Variants in UBR4 observed in about 807,000 individuals in gnomAD.
The protein encoded by UBR4 is ubiquitin protein ligase E3 component n-recognin 4, also known as E3 ubiquitin-protein ligase UBR4.
A neutral mutation model predicts 575.6 loss-of-function variants in UBR4; 124 were observed. The ratio of observed to expected loss-of-function variants is 0.22; its 90% confidence interval spans 0.19 to 0.25. The LOEUF (loss-of-function observed/expected upper bound fraction) is 0.25, where lower values mean the gene tolerates loss of function less well. Among genes scored for constraint, UBR4 ranks in the 10% least tolerant of loss-of-function variants. The pLI is 1.00. For missense variants in UBR4, 4,818 were observed against 6,478.8 expected, an observed-to-expected ratio of 0.74 and a Z score of 8.80; for synonymous variants, 2,455 against 2,473.7, an observed-to-expected ratio of 0.99 and a Z score of 0.22.
In UBR4 at chr1:19,150,623, T is replaced by G; in HGVS notation, c.7384A>C (p.Ser2462Arg). The G allele has an allele frequency of 6.2e-7, 1 of 1,613,956 alleles. No individual in the cohort carries two copies. The highest frequency in any genetic ancestry group is 8.5e-7 in the Non-Finnish European group (1 of 1,180,022). ...GTCGTAGTGGGGGCAGCTGAGTCGC[T>G]ATCTCCAGTGCCGTTGCTCTGGTTC... The part of the protein sequence containing the change: ...NLNQSNGTGD[S>R]DSAAPTTTSG... The change falls in exon 49 of 106, where the codon AGC (serine) becomes CGC (arginine). Residue 2462 changes from serine (S) to arginine (R), a missense_variant. By Grantham distance (110) the Ser-to-Arg change is moderately radical (BLOSUM62 -1). Around this residue, in one of 29 missense-constraint regions of UBR4, gnomAD observed 340 missense variants for 375.4 expected, o/e 0.91. Transcript: ENST00000375254.
At chr1:19,101,494 G>C (rs778705677) in intron 88 of UBR4, 26 bp downstream of exon 88, 1 of 1,592,352 alleles carries the variant, frequency 6.3e-7, no homozygotes, top group Admixed American at 1.7e-5. Context: ...ACACTCGAGA[G>C]CCATGGGAAG....
chr1:19,191,546 T>A (rs1403565505), intron 11 of UBR4, among the ~76,000 whole-genome samples: 1 of 152,226 alleles, frequency 6.6e-6, no homozygotes, highest in Admixed American at 6.5e-5. Flanking sequence ...ACAACGTTTA[T>A]ATATGATTAT....
intron 27 of UBR4, among the ~76,000 whole-genome samples, chr1:19,169,106 A>G (rs747940655): frequency 6.6e-6 from 1 of 152,214 alleles, no homozygotes; most frequent in Non-Finnish European, 1.5e-5. Flanking sequence ...GTTAACACGT[A>G]TTGGGAATTC....
At chr1:19,090,090 A>C (rs1457164354) in intron 97 of UBR4, among the ~76,000 whole-genome samples, 2 of 152,162 alleles carry the variant, frequency 1.3e-5, no homozygotes, top group Non-Finnish European at 2.9e-5. Context: ...CAAACCTCTG[A>C]TCTTCTCCAT....
chr1:19,091,361 C>A (rs2077496820), intron 97 of UBR4, among the ~76,000 whole-genome samples: 1 of 152,160 alleles, frequency 6.6e-6, no homozygotes, highest in African/African-American at 2.4e-5. Context: ...CTTTACTGTA[C>A]TCAAGTTACC....
At position 19,152,135 on chromosome 1, in the gene UBR4, A is replaced by C. The variant is rs1221863241; in HGVS notation, c.6996+178T>G. The stretch of plus-strand genomic sequence containing the variant: ...TATTGGTGGAAACCCAACCTGTACA[A>C]GTCCTTTGCCAAGTGAGTAAGAATA... On this transcript the variant is annotated intron_variant, in intron 47 of 105. Transcript: ENST00000375254. The surrounding 1 kb of genome is among the most constrained non-coding windows in gnomAD (Gnocchi z 4.4). Among the ~76,000 whole-genome samples the C allele has an allele frequency of 3.3e-5, 5 of 152,224 alleles. No individual in the cohort carries two copies. The highest frequency in any genetic ancestry group is 6.5e-5 in the Admixed American group (1 of 15,290).
intron 100 of UBR4, 128 bp from the exon 101 acceptor site, chr1:19,086,398 G>T: frequency 1.5e-6 from 2 of 1,311,560 alleles, no homozygotes; most frequent in Non-Finnish European, 2.0e-6. Context: ...CCAGGCTCCT[G>T]ACCCTGCGAA....
chr1:19,120,406 T>TAA, intron 68 of UBR4, 58 bp from the exon 69 acceptor site: 1 of 1,571,540 alleles, frequency 6.4e-7, no homozygotes, highest in Non-Finnish European at 8.7e-7. Flanking sequence ...TCCAGGGTCC[T>TAA]AAGGCCTGGG....
In UBR4 at chr1:19,117,175, C is replaced by T. The variant is rs764840711; in HGVS notation, c.10823+46G>A. 3 of 1,594,354 alleles carry T rather than the reference C, an allele frequency of 1.9e-6. No individual in the cohort carries two copies. The highest frequency in any genetic ancestry group is 3.4e-5 in the Admixed American group (2 of 59,436). ...GGAACCGAAGGCAGCAACTGAGCTT[C>T]AGCCTTACAACCTGCTGCCCCTCCC... On this transcript the variant is annotated intron_variant, in intron 73 of 105. Transcript: ENST00000375254. This position sits in a 1 kb window ranked among gnomAD's most constrained non-coding sequence, Gnocchi z 4.0.
chr1:19,169,650 T>C (rs1463361019), intron 26 of UBR4, 118 bp from the exon 27 acceptor site: 1 of 703,232 alleles, frequency 1.4e-6, no homozygotes, highest in Admixed American at 3.2e-5. Context: ...TCAAAATAAT[T>C]AGTAAGATAG....
chr1:19,126,681 T>A, intron 63 of UBR4, 26 bp from the exon 64 acceptor site: 1 of 1,605,730 alleles, frequency 6.2e-7, no homozygotes, highest in South Asian at 1.1e-5. Flanking sequence ...AATACAGAGA[T>A]GGGAAGAATG....
rs775992413 is a variant in UBR4 at position 19,167,243 on chromosome 1, A to C, written c.3900-12T>G. ...TCTCATCTGACCAACTTCAGCAAAG[A>C]AAATGAAATCGAGTTAGTGAATACA... On this transcript the variant is annotated splice_polypyrimidine_tract_variant and intron_variant, in intron 28 of 105. Coordinates refer to ENST00000375254, the MANE Select transcript of UBR4 (RefSeq NM_020765.3). 2.5e-6 allele frequency: 4 copies of C among 1,613,978 alleles called. No individual in the cohort carries two copies. In the South Asian group the frequency reaches 4.4e-5, roughly 18 times the overall value.
chr1:19,194,828 T>C (rs1434101511), intron 8 of UBR4, among the ~76,000 whole-genome samples: 1 of 151,752 alleles, frequency 6.6e-6, no homozygotes, highest in African/African-American at 2.4e-5. Context: ...AATAATTAAT[T>C]CATTCACTAA....
Position 19,093,622 on chromosome 1 carries a change from G to A in UBR4, c.13938-136C>T. 1 of 966,726 alleles carries A rather than the reference G, an allele frequency of 1.0e-6. No homozygotes were observed. The highest frequency in any genetic ancestry group is 1.5e-6 in the Non-Finnish European group (1 of 664,508). The allele number at this position is 966,726 out of a possible 1,614,324, so 59.9% of individuals were successfully genotyped here. On this transcript the variant is annotated intron_variant, in intron 95 of 105. Transcript: ENST00000375254. This position sits in a 1 kb window ranked among gnomAD's most constrained non-coding sequence, Gnocchi z 4.8. ...CCTAACGTGACACAAAGACCTATCTGCCCCGGCTCCTGCCACTCTCCCTGT... is the reference window on the plus strand; with the variant it reads ...CCTAACGTGACACAAAGACCTATCTACCCCGGCTCCTGCCACTCTCCCTGT...
At chr1:19,185,414 A>G in intron 14 of UBR4, 128 bp from the exon 15 acceptor site, 1 of 918,474 alleles carries the variant, frequency 1.1e-6, no homozygotes, top group East Asian at 2.9e-5. Context: ...TGGTTACAAG[A>G]TTGCATTTGT....
chr1:19,193,748 A>G (rs2092273211), intron 8 of UBR4, among the ~76,000 whole-genome samples, 191 bp from the exon 9 acceptor site: 1 of 152,186 alleles, frequency 6.6e-6, no homozygotes, highest in Admixed American at 6.5e-5. Context: ...TTATCCAAAT[A>G]AGCTGAAAAC....
At chr1:19,094,853 G>A (rs1570386155) in intron 94 of UBR4, 53 bp downstream of exon 94, 2 of 1,602,192 alleles carry the variant, frequency 1.2e-6, no homozygotes, top group Non-Finnish European at 8.5e-7. Flanking sequence ...TGTGGGCAAT[G>A]AGACAGTGCA....
intron 22 of UBR4, 83 bp downstream of exon 22, chr1:19,174,236 T>C (rs1040909037): frequency 3.1e-5 from 48 of 1,527,424 alleles, no homozygotes; most frequent in Non-Finnish European, 4.0e-5. Flanking sequence ...AATAAACTGG[T>C]TACATTTCAG....
chr1:19,077,175 G>A (rs533518861), intron 104 of UBR4, among the ~76,000 whole-genome samples: 22 of 152,172 alleles, frequency 1.4e-4, no homozygotes, highest in Admixed American at 1.1e-3. Flanking sequence ...CTTCCCATTC[G>A]CATTCCCCAG....
Sources: gnomAD v4.1 joint callset for allele counts (sites outside exome capture counted in the v4.1 genomes callset) on GRCh38, gnomAD v4.1.1 for gene constraint, gnomAD v4.1.1 regional missense constraint, Gnocchi (gnomAD v3.1) non-coding constraint, MANE v1.5 for transcripts, NCBI Gene and HGNC (gene_info 2026-07-23, HGNC 2026-07-21) for gene names.